The following HMCN1 variants were observed in gnomAD, a reference collection of about 807,000 sequenced individuals.
HMCN1 encodes hemicentin 1.
Under a neutral mutation model 625.9 loss-of-function variants are expected in HMCN1, and 321 were observed. That is an observed-to-expected ratio of 0.51 (90% CI 0.47 to 0.56). The LOEUF is 0.56. HMCN1 is among the 20% of genes least tolerant of loss of function. The pLI, the probability that HMCN1 is intolerant of heterozygous loss-of-function variation, is 0.00. For missense variants in HMCN1, 6,588 were observed against 6,887.3 expected (o/e 0.96, Z 1.54); for synonymous variants, 2,425 against 2,417.6 (o/e 1.00, Z -0.09).
chr1:186,088,365 C>T, intron 62 of HMCN1, 89 bp downstream of exon 62: 1 of 1,588,434 alleles, frequency 6.3e-7, no homozygotes, highest in South Asian at 1.1e-5. Context: ...ATTTTAAGTA[C>T]CATGCTCATA....
At chr1:186,094,158 A>C (rs1659999684) in intron 66 of HMCN1, 118 bp from the exon 67 acceptor site, 6 of 818,102 alleles carry the variant, frequency 7.3e-6, no homozygotes, top group South Asian at 1.4e-5. Context: ...TATAAGCTTC[A>C]TAATTAAAAT....
intron 46 of HMCN1, among the ~76,000 whole-genome samples, chr1:186,060,335 A>G (rs1657604262): frequency 6.6e-6 from 1 of 152,074 alleles, no homozygotes; most frequent in Non-Finnish European, 1.5e-5. Context: ...GTGCTAAGCA[A>G]AAATATACCA....
chr1:185,776,062 G>A (rs1656583123), intron 1 of HMCN1, among the ~76,000 whole-genome samples: 1 of 152,108 alleles, frequency 6.6e-6, no homozygotes, highest in Non-Finnish European at 1.5e-5. Context: ...CCCAAATCAT[G>A]GCTCAGAGCA....
chr1:186,074,616 C>A, intron 52 of HMCN1, 125 bp from the exon 53 acceptor site: 1 of 800,980 alleles, frequency 1.2e-6, no homozygotes, highest in Non-Finnish European at 2.0e-6. Context: ...AAACTATTGT[C>A]ATGAATGTTT....
intron 93 of HMCN1, among the ~76,000 whole-genome samples, chr1:186,147,413 ATTTTTTTCTTTAATTCGTGGC>A (rs1650385970): frequency 1.6e-5 from 2 of 122,798 alleles, no homozygotes; most frequent in Non-Finnish European, 3.4e-5. Flanking sequence ...TTTTCTCACC[ATTTTTTTCTTTAATTCGTGGC>A]AAACAAATGA....
intron 15 of HMCN1, among the ~76,000 whole-genome samples, chr1:185,973,920 T>C (rs1036161948): frequency 4.6e-5 from 7 of 152,298 alleles, no homozygotes; most frequent in African/African-American, 1.4e-4. Context: ...CCAGTCATTT[T>C]AGGAAAGAAA....
chr1:185,897,448 C>T (rs532498010), intron 4 of HMCN1, among the ~76,000 whole-genome samples: 21 of 152,120 alleles, frequency 1.4e-4, no homozygotes, highest in Non-Finnish European at 3.1e-4. Context: ...GTGAGGACTG[C>T]CACATACTTG....
intron 42 of HMCN1, 118 bp from the exon 43 acceptor site, chr1:186,052,834 C>T: frequency 1.2e-6 from 1 of 862,070 alleles, no homozygotes. Context: ...TGATGTCAAC[C>T]TCATATGACA....
At position 186,023,073 on chromosome 1, in the gene HMCN1, T is replaced by C. The variant is rs199971679; in HGVS notation, c.5669T>C (p.Leu1890Ser). The C allele has an allele frequency of 2.0e-5, 32 of 1,613,458 alleles. No homozygotes were observed. The East Asian group carries it at 6.7e-4, about 34-fold the overall frequency. ...GRVLQIAKTL[L>S]EDAGRYTCVA... ...GTTCTACAAATTGCCAAAACCCTGTTGGAAGATGCTGGCAGATACACATGT... is the reference window on the plus strand; with the variant it reads ...GTTCTACAAATTGCCAAAACCCTGTCGGAAGATGCTGGCAGATACACATGT... Residue 1890 changes from leucine to serine, a missense_variant, in exon 36 of 107, where the codon TTG becomes TCG. This residue lies in a region of HMCN1 where 4,628 missense variants were observed against 4,853.1 expected (regional missense o/e 0.95). Transcript: ENST00000271588.
chr1:186,044,639 C>CT lies in HMCN1; in HGVS notation c.6305-1042dup, dbSNP rs1051890641. 1.8e-4 allele frequency among the ~76,000 whole-genome samples: 27 copies of CT among 152,170 alleles called. 1 individual carries two copies. The highest frequency in any genetic ancestry group is 1.2e-3 in the South Asian group (6 of 4,822). On this transcript the variant is annotated intron_variant, in intron 40 of 106. Coordinates refer to ENST00000271588, the MANE Select transcript of HMCN1 (RefSeq NM_031935.3). ...CCAGAACATTTTAGTACAACTTAACCTTTTTTTGTAACTAAAAAAATGCTA... is the reference window on the plus strand; with the variant it reads ...CCAGAACATTTTAGTACAACTTAACCTTTTTTTTGTAACTAAAAAAATGCTA...
At chr1:186,101,846 T>A (rs1660397604) in intron 68 of HMCN1, among the ~76,000 whole-genome samples, 1 of 151,912 alleles carries the variant, frequency 6.6e-6, no homozygotes, top group South Asian at 2.1e-4. Context: ...ATTAGATAAG[T>A]GTTTTGAGTA....
chr1:185,970,227 A>T, intron 14 of HMCN1, 108 bp from the exon 15 acceptor site: 1 of 1,047,798 alleles, frequency 9.5e-7, no homozygotes, highest in Non-Finnish European at 1.5e-6. Flanking sequence ...ACTTGTGTTT[A>T]AAAACTTTGC....
At chr1:186,035,655 G>A (rs1267228844) in intron 36 of HMCN1, among the ~76,000 whole-genome samples, 1 of 151,576 alleles carries the variant, frequency 6.6e-6, no homozygotes, top group African/African-American at 2.4e-5. Context: ...TTCTTATCTT[G>A]ATTTCATCTT....
chr1:186,101,729 G>T (rs1032569360), intron 68 of HMCN1, among the ~76,000 whole-genome samples: 1 of 152,020 alleles, frequency 6.6e-6, no homozygotes. Flanking sequence ...AAACTTTGGG[G>T]TGGGGGCAGT....
At position 185,835,615 on chromosome 1, in the gene HMCN1, C is replaced by G. The variant is rs1363131316; in HGVS notation, c.269-10411C>G. 2.0e-5 allele frequency among the ~76,000 whole-genome samples: 3 copies of G among 151,700 alleles called. No individual in the cohort carries two copies. In the East Asian group the frequency reaches 5.8e-4, roughly 29 times the overall value. On this transcript the variant is annotated intron_variant, in intron 1 of 106. Coordinates refer to ENST00000271588, the MANE Select transcript of HMCN1 (RefSeq NM_031935.3). ...CTAAATCTAGGATGCTTTTAGTTAC[C>G]AACTAAAGTGAAGACTCTGAACTTC...
chr1:185,973,241 T>C (rs1650953602), intron 15 of HMCN1, among the ~76,000 whole-genome samples: 1 of 152,184 alleles, frequency 6.6e-6, no homozygotes, highest in African/African-American at 2.4e-5. Context: ...ACATGTATCA[T>C]GTAAATGAAT....
At chr1:185,825,392 ATGATT>A (rs1405572070) in intron 1 of HMCN1, among the ~76,000 whole-genome samples, 1 of 152,178 alleles carries the variant, frequency 6.6e-6, no homozygotes, top group Non-Finnish European at 1.5e-5. Context: ...GAAAGAAGGA[ATGATT>A]TGTGCAGTGC....
At chr1:186,103,336 G>T (rs1660469104) in intron 68 of HMCN1, 136 bp from the exon 69 acceptor site, 3 of 714,790 alleles carry the variant, frequency 4.2e-6, no homozygotes, top group Non-Finnish European at 4.8e-6. Context: ...TGACATCTAG[G>T]AATTATTTCA....
At chr1:185,892,640 G>A (rs867740163) in intron 4 of HMCN1, among the ~76,000 whole-genome samples, 31 of 152,198 alleles carry the variant, frequency 2.0e-4, no homozygotes, top group African/African-American at 6.8e-4. Context: ...GGGGGTCAGG[G>A]ACCCACTTGA....
Sources: gnomAD v4.1 joint callset for allele counts (sites outside exome capture counted in the v4.1 genomes callset) on GRCh38, gnomAD v4.1.1 for gene constraint, gnomAD v4.1.1 regional missense constraint, MANE v1.5 for transcripts, NCBI Gene and HGNC (gene_info 2026-07-23, HGNC 2026-07-21) for gene names.